The following TJP1 variants were observed in gnomAD, a reference collection of about 807,000 sequenced individuals.
TJP1 encodes the protein tight junction protein 1.
A neutral mutation model predicts 194.2 loss-of-function variants in TJP1; 43 were observed. The ratio of observed to expected loss-of-function variants is 0.22; its 90% CI spans 0.17 to 0.29. The LOEUF (loss-of-function observed/expected upper bound fraction) is 0.29, where lower values mean the gene tolerates loss of function less well. Among genes scored for constraint, TJP1 ranks in the 10% least tolerant of loss-of-function variants. The probability of loss-of-function intolerance (pLI) is 1.00; values close to 1 mark genes in which losing one functional copy is unlikely to be tolerated. For synonymous variants in TJP1, 801 were observed against 779.0 expected, an observed-to-expected ratio of 1.03 and a Z score of -0.47; for missense variants, 1,971 against 2,185.7, an observed-to-expected ratio of 0.90 and a Z score of 1.96.
chr15:29,749,713 C>A (rs565366819), intron 8 of TJP1, among the ~76,000 whole-genome samples: 19 of 152,298 alleles, frequency 1.2e-4, no homozygotes, highest in Non-Finnish European at 2.6e-4. Flanking sequence ...TTCTCGGCCA[C>A]TCAGTGAGCA....
At position 29,718,575 on chromosome 15, in the gene TJP1, C is replaced by G. The variant is rs745313411; in HGVS notation, c.3567G>C (p.Lys1189Asn). 9.3e-6 allele frequency: 15 copies of G among 1,614,034 alleles called. No homozygotes were observed. In the East Asian group the frequency reaches 3.3e-4, roughly 36 times the overall value. ...PSAGPKPAES[K>N]QYFEQYSRSY... ...TGCGTGAATATTGCTCAAAATACTGCTTGGACTCTGCAGGCTTGGGCCCTG... is the reference window on the plus strand; with the variant it reads ...TGCGTGAATATTGCTCAAAATACTGGTTGGACTCTGCAGGCTTGGGCCCTG... The change falls in exon 21 of 28, where the codon AAG becomes AAC. Residue 1189 changes from lysine (K) to asparagine (N), a missense_variant. Around this residue, in one of 5 missense-constraint regions of TJP1, gnomAD observed 1,108 missense variants for 1,128.5 expected, o/e 0.98. Transcript: ENST00000614355.
intron 10 of TJP1, 150 bp from the exon 11 acceptor site, chr15:29,737,564 TG>T: frequency 2.3e-6 from 2 of 861,480 alleles, no homozygotes; most frequent in Non-Finnish European, 3.4e-6. Flanking sequence ...TAAAATTTAG[TG>T]TTAGAATTCA....
intron 15 of TJP1, chr15:29,729,285 G>GT: frequency 6.6e-6 from 1 of 152,118 alleles, no homozygotes; most frequent in East Asian, 1.9e-4. Flanking sequence ...GGGCAACACA[G>GT]TAAGACCTTG....
chr15:29,901,118 C>A (rs1037521561), intron 2 of TJP1, among the ~76,000 whole-genome samples: 8 of 152,040 alleles, frequency 5.3e-5, no homozygotes, highest in African/African-American at 9.7e-5. Context: ...GAGAATGGCA[C>A]AGCTGGGAAA....
intron 11 of TJP1, among the ~76,000 whole-genome samples, chr15:29,736,311 A>G (rs1400360797): frequency 6.6e-6 from 1 of 152,144 alleles, no homozygotes; most frequent in Non-Finnish European, 1.5e-5. Flanking sequence ...AAGGACAAAT[A>G]AGACAGTGGA....
chr15:29,892,488 G>A (rs115868401), intron 2 of TJP1, among the ~76,000 whole-genome samples: 1,615 of 152,288 alleles, frequency 0.011, 28 homozygotes, highest in African/African-American at 0.037. Flanking sequence ...ATGCCATCTA[G>A]GACTTTCATA....
At chr15:29,711,185 A>G (rs2042222442) in intron 23 of TJP1, among the ~76,000 whole-genome samples, 185 bp from the exon 24 acceptor site, 1 of 152,212 alleles carries the variant, frequency 6.6e-6, no homozygotes, top group Non-Finnish European at 1.5e-5. Context: ...TCGGCACAAG[A>G]AATGTCCAGA....
intron 2 of TJP1, 54 bp from the exon 3 acceptor site, chr15:29,773,411 T>A (rs1019462994): frequency 1.3e-6 from 2 of 1,565,398 alleles, no homozygotes; most frequent in Non-Finnish European, 1.8e-6. Context: ...ATAATTGTTA[T>A]ATCATACTCT....
At chr15:29,766,013 A>G (rs1466718203) in intron 5 of TJP1, among the ~76,000 whole-genome samples, 2 of 152,200 alleles carry the variant, frequency 1.3e-5, no homozygotes, top group Non-Finnish European at 2.9e-5. Context: ...TGTTAGCATA[A>G]TTTGTACCTG....
chr15:29,804,812 G>T (rs779564331), intron 1 of TJP1, among the ~76,000 whole-genome samples: 36 of 152,138 alleles, frequency 2.4e-4, no homozygotes, highest in Non-Finnish European at 1.3e-4. Context: ...AGGGGAAAAT[G>T]TATTACTCCT....
chr15:29,942,793 C>G (rs2055125961), intron 2 of TJP1, among the ~76,000 whole-genome samples: 1 of 152,190 alleles, frequency 6.6e-6, no homozygotes, highest in Non-Finnish European at 1.5e-5. Context: ...GCTCAGTGAA[C>G]TGGGGCTGGC....
intron 2 of TJP1, among the ~76,000 whole-genome samples, chr15:29,776,592 T>C (rs1242069287): frequency 6.6e-6 from 1 of 152,202 alleles, no homozygotes; most frequent in South Asian, 2.1e-4. Context: ...GTCTGTACTG[T>C]TGCATGAATT....
intron 8 of TJP1, 123 bp from the exon 9 acceptor site, chr15:29,742,904 C>G (rs2044518762): frequency 1.3e-6 from 1 of 790,918 alleles, no homozygotes; most frequent in African/African-American, 1.8e-5. Flanking sequence ...CTAACAGATA[C>G]CAAAATATTG....
chr15:29,777,165 CAA>C (rs773072477), intron 2 of TJP1, among the ~76,000 whole-genome samples: 38 of 152,102 alleles, frequency 2.5e-4, no homozygotes, highest in Non-Finnish European at 5.6e-4. Flanking sequence ...TGGAAAGTAA[CAA>C]GACACAGTTC....
chr15:29,907,176 G>C (rs1345865376), intron 2 of TJP1, among the ~76,000 whole-genome samples: 1 of 151,934 alleles, frequency 6.6e-6, no homozygotes, highest in African/African-American at 2.4e-5. Context: ...TTGGGAGGTC[G>C]GGGCAGGCAG....
In TJP1 at chr15:29,882,407, T is replaced by C. The variant is rs148842549; in HGVS notation, c.306+73825A>G. Among the ~76,000 whole-genome samples, 164 of 152,296 alleles carry C rather than the reference T, an allele frequency of 1.1e-3. 2 individuals carry two copies. The highest frequency in any genetic ancestry group is 3.8e-3 in the African/African-American group (158 of 41,554). On this transcript the variant is annotated intron_variant, in intron 2 of 28. Coordinates refer to the TJP1 transcript ENST00000356107. ...ACAACCAAGGACTTCCTGGCAACAC[T>C]TGGAGATTTTAGAGACATCAGTAAC...
At chr15:29,844,969 C>T (rs549482699) in intron 2 of TJP1, among the ~76,000 whole-genome samples, 2 of 152,142 alleles carry the variant, frequency 1.3e-5, no homozygotes, top group Admixed American at 6.5e-5. Context: ...TTTGAGTGGA[C>T]AGTAAGACAG....
chr15:29,931,196 G>A (rs1157639623), intron 2 of TJP1, among the ~76,000 whole-genome samples: 3 of 152,176 alleles, frequency 2.0e-5, no homozygotes. Context: ...TCATTAAGTG[G>A]AAGTGGATCA....
intron 2 of TJP1, among the ~76,000 whole-genome samples, chr15:29,797,475 G>GTAC (rs2048489912): frequency 6.6e-6 from 1 of 151,528 alleles, no homozygotes; most frequent in African/African-American, 2.4e-5. Context: ...CTTAAAGCAT[G>GTAC]TACTGCAAAA....
Sources: gnomAD v4.1 joint callset for allele counts (sites outside exome capture counted in the v4.1 genomes callset) on GRCh38, gnomAD v4.1.1 for gene constraint, gnomAD v4.1.1 regional missense constraint, MANE v1.5 for transcripts, NCBI Gene and HGNC (gene_info 2026-07-23, HGNC 2026-07-21) for gene names.